Variants in GJA8 observed in about 807,000 individuals in gnomAD.
The protein encoded by GJA8 is gap junction protein alpha 8.
A neutral mutation model predicts 15.3 loss-of-function variants in GJA8; 13 were observed. The ratio of observed to expected loss-of-function variants is 0.85; its 90% confidence interval spans 0.55 to 1.35. The LOEUF is 1.35. Among genes scored for constraint, GJA8 ranks in the 40% most tolerant of loss-of-function variants. GJA8 has a pLI of 0.00. For synonymous variants in GJA8, 304 were observed against 238.7 expected (o/e 1.27, Z -2.52); for missense variants, 607 against 553.3 (o/e 1.10, Z -0.97).
rs587708145 is a variant in GJA8 at position 147,907,969 on chromosome 1, G to A, written c.14G>A (p.Ser5Asn). 2.5e-6 allele frequency: 4 copies of A among 1,613,904 alleles called. No homozygotes were observed. The highest frequency in any genetic ancestry group is 2.2e-5 in the East Asian group (1 of 44,872). The stretch of plus-strand genomic sequence containing the variant: ...GGTGGGTGAGAAATGGGCGACTGGA[G>A]TTTCCTGGGGAACATCTTGGAGGAG... MGDW[S>N]FLGNILEEVN... The change falls in exon 2 of 2, where the codon AGT becomes AAT. Residue 5 changes from serine to asparagine, a missense_variant. Coordinates refer to ENST00000369235, the MANE Select transcript of GJA8 (RefSeq NM_005267.5).
Position 147,908,342 on chromosome 1 carries a change from C to CAAG in GJA8, c.392_394dup (p.Lys131dup), listed in dbSNP as rs782150699. 1.4e-5 allele frequency: 23 copies of CAAG among 1,614,086 alleles called. No homozygotes were observed. In the Middle Eastern group the frequency reaches 2.3e-3, roughly 161 times the overall value. ...ACGGCGGCCCGGACCAGGGCAGCGT[C>CAAG]AAGAAGAGCAGCGGCAGCAAAGGCA... On this transcript the variant is annotated inframe_insertion, in exon 2 of 2. Coordinates refer to ENST00000369235, the MANE Select transcript of GJA8 (RefSeq NM_005267.5).
chr1:147,913,417 A>C (rs114398234), downstream of GJA8, among the ~76,000 whole-genome samples: 1,101 of 152,180 alleles, frequency 7.2e-3, 11 homozygotes, highest in Middle Eastern at 0.017. Context: ...ATTATGGTAC[A>C]AAAAAAAGAA....
downstream of GJA8, among the ~76,000 whole-genome samples, chr1:147,909,824 G>A (rs1322542070): frequency 6.6e-6 from 1 of 152,190 alleles, no homozygotes; most frequent in Non-Finnish European, 1.5e-5. Context: ...TGAGTACCAT[G>A]AAGTGTTACC....
At position 147,908,856 on chromosome 1, in the gene GJA8, G is replaced by C; in HGVS notation, c.901G>C (p.Glu301Gln). Residue 301 changes from glutamate (E) to glutamine (Q), a missense_variant, in exon 2 of 2, where the codon GAG becomes CAG. By Grantham distance (29) the Glu-to-Gln change is conservative. Transcript: ENST00000369235. ...GCCTGCCAAGCCTTTCAATCAGTTC[G>C]AGGAGAAGATCAGCACAGGACCCCT... ...PLPAKPFNQF[E>Q]EKISTGPLGD... 1 of 1,614,082 alleles carries C rather than the reference G, an allele frequency of 6.2e-7. No homozygotes were observed. Among genetic ancestry groups the C allele is most frequent in the South Asian group, 1.1e-5 (1 of 91,074 alleles).
At chr1:147,912,806 C>G (rs1652222205), downstream of GJA8, among the ~76,000 whole-genome samples, 1 of 149,526 alleles carries the variant, frequency 6.7e-6, no homozygotes. Flanking sequence ...CAGGGGATAT[C>G]TGTGACCAAG....
downstream of GJA8, among the ~76,000 whole-genome samples, chr1:147,912,611 T>C (rs587659868): frequency 7.2e-5 from 11 of 152,294 alleles, no homozygotes; most frequent in Admixed American, 3.9e-4. Context: ...GTCAGGATTA[T>C]AATCCCCATG....
downstream of GJA8, among the ~76,000 whole-genome samples, chr1:147,913,727 C>T (rs797042373): frequency 3.9e-5 from 6 of 152,318 alleles, no homozygotes; most frequent in African/African-American, 1.4e-4. Context: ...ATTCCCCCAG[C>T]CTCCTCTTCT....
In GJA8 at chr1:147,908,031, C is replaced by G. The variant is rs1553242525; in HGVS notation, c.76C>G (p.Leu26Val). Reference sequence around the variant, plus strand: ...CTCCACCGTCATCGGCAGAGTCTGGCTCACCGTGCTTTTCATCTTCCGGAT... The same window carrying G: ...CTCCACCGTCATCGGCAGAGTCTGGGTCACCGTGCTTTTCATCTTCCGGAT... ...EHSTVIGRVW[L>V]TVLFIFRILI... Residue 26 changes from leucine (L) to valine (V), a missense_variant, in exon 2 of 2, where the codon CTC becomes GTC. By Grantham distance (32) the Leu-to-Val change is conservative. Transcript: ENST00000369235. 2.5e-6 allele frequency: 4 copies of G among 1,614,022 alleles called. No individual in the cohort carries two copies. In the East Asian group the frequency reaches 8.9e-5, roughly 36 times the overall value.
At chr1:147,912,725 G>A (rs1483492936), downstream of GJA8, among the ~76,000 whole-genome samples, 2 of 151,900 alleles carry the variant, frequency 1.3e-5, no homozygotes, top group Non-Finnish European at 2.9e-5. Flanking sequence ...ATTAGACAGC[G>A]GGACATCAGT....
At chr1:147,910,151 T>C (rs931951239), downstream of GJA8, among the ~76,000 whole-genome samples, 1 of 152,220 alleles carries the variant, frequency 6.6e-6, no homozygotes, top group Non-Finnish European at 1.5e-5. Flanking sequence ...TATGCCACCG[T>C]GCCTGGCCCA....
chr1:147,909,119 G>T lies in GJA8; in HGVS notation c.1164G>T (p.Ser388=), dbSNP rs377042749. ...AGGGTGAAAAAGAAGAGCCGCAGTCGGAGAAGGTGTCAAAGCAAGGGCTGC... is the reference window on the plus strand; with the variant it reads ...AGGGTGAAAAAGAAGAGCCGCAGTCTGAGAAGGTGTCAAAGCAAGGGCTGC... ...DKEGEKEEPQ[S]EKVSKQGLPA... Residue 388 remains serine (S), a synonymous_variant, in exon 2 of 2, where the codon TCG becomes TCT. Transcript: ENST00000369235. 1 of 1,613,936 alleles carries T rather than the reference G, an allele frequency of 6.2e-7. No homozygotes were observed. Among genetic ancestry groups the T allele is most frequent in the Non-Finnish European group, 8.5e-7 (1 of 1,179,938 alleles).
intron 1 of GJA8, among the ~76,000 whole-genome samples, 60 bp downstream of exon 1, chr1:147,902,921 C>T (rs1651661267): frequency 6.6e-6 from 1 of 152,166 alleles, no homozygotes; most frequent in Non-Finnish European, 1.5e-5. Context: ...CTTTCTCAGC[C>T]TAATCTAAGG....
Position 147,908,206 on chromosome 1 carries a change from T to C in GJA8, c.251T>C (p.Phe84Ser). The change falls in exon 2 of 2, where the codon TTC (phenylalanine) becomes TCC (serine). Residue 84 changes from phenylalanine to serine, a missense_variant. By Grantham distance (155) the Phe-to-Ser change is radical. Transcript: ENST00000369235. ...CGCCTCTGGGTGCTGCAGATCATCT[T>C]CGTCTCCACCCCGTCCCTGATGTAC... is the stretch of plus-strand genomic sequence containing the variant. The part of the protein sequence containing the change: ...HIRLWVLQII[F>S]VSTPSLMYVG... 6.2e-7 allele frequency: 1 copy of C among 1,614,218 alleles called. No individual in the cohort carries two copies. Among genetic ancestry groups the C allele is most frequent in the Non-Finnish European group, 8.5e-7 (1 of 1,180,030 alleles).
At position 147,908,161 on chromosome 1, in the gene GJA8, C is replaced by T; in HGVS notation, c.206C>T (p.Ala69Val). Residue 69 changes from alanine (A) to valine (V), a missense_variant, in exon 2 of 2, where the codon GCC (alanine) becomes GTC (valine). By Grantham distance (64) the Ala-to-Val change is moderately conservative (BLOSUM62 0). Transcript: ENST00000369235. Reference protein sequence around the residue: ...PGCENVCYDEAFPISHIRLWV... With the variant: ...PGCENVCYDEVFPISHIRLWV... ...TGCGAGAACGTCTGCTACGACGAGGCCTTTCCCATCTCCCACATTCGCCTC... is the reference window on the plus strand; with the variant it reads ...TGCGAGAACGTCTGCTACGACGAGGTCTTTCCCATCTCCCACATTCGCCTC... 6.2e-7 allele frequency: 1 copy of T among 1,614,214 alleles called. No individual in the cohort carries two copies. The highest frequency in any genetic ancestry group is 1.1e-5 in the South Asian group (1 of 91,082).
chr1:147,908,437 T>C lies in GJA8; in HGVS notation c.482T>C (p.Phe161Ser), dbSNP rs1553242706. 1 of 1,614,174 alleles carries C rather than the reference T, an allele frequency of 6.2e-7. No individual in the cohort carries two copies. Among genetic ancestry groups the C allele is most frequent in the African/African-American group, 1.3e-5 (1 of 75,044 alleles). The change falls in exon 2 of 2, where the codon TTT (phenylalanine) becomes TCT (serine). Residue 161 changes from phenylalanine (F) to serine (S), a missense_variant. Transcript: ENST00000369235. ...YICHIIFKTL[F>S]EVGFIVGHYF... Reference sequence around the variant, plus strand: ...TGCCACATCATCTTCAAGACCCTCTTTGAAGTGGGCTTCATCGTGGGCCAC... The same window carrying C: ...TGCCACATCATCTTCAAGACCCTCTCTGAAGTGGGCTTCATCGTGGGCCAC...
intron 1 of GJA8, among the ~76,000 whole-genome samples, chr1:147,905,165 T>C (rs1238515254): frequency 6.6e-6 from 1 of 152,226 alleles, no homozygotes; most frequent in African/African-American, 2.4e-5. Flanking sequence ...TTCCTTGGTC[T>C]CTAGTATTCA....
rs781782991 is a variant in GJA8, at chr1:147,908,156, C to T, written c.201C>T (p.Asp67=). 8 of 1,614,104 alleles carry T rather than the reference C, an allele frequency of 5.0e-6. No homozygotes were observed. The highest frequency in any genetic ancestry group is 4.5e-5 in the East Asian group (2 of 44,892). Residue 67 remains aspartate, a synonymous_variant, in exon 2 of 2, where the codon GAC becomes GAT. Coordinates refer to ENST00000369235, the MANE Select transcript of GJA8 (RefSeq NM_005267.5). ...CTGGCTGCGAGAACGTCTGCTACGA[C>T]GAGGCCTTTCCCATCTCCCACATTC... ...QQPGCENVCY[D]EAFPISHIRL...
At position 147,908,960 on chromosome 1, in the gene GJA8, G is replaced by C; in HGVS notation, c.1005G>C (p.Gly335=). The C allele has an allele frequency of 6.2e-7, 1 of 1,603,540 alleles. No individual in the cohort carries two copies. The highest frequency in any genetic ancestry group is 8.5e-7 in the Non-Finnish European group (1 of 1,173,756). Residue 335 remains glycine (G), a synonymous_variant, in exon 2 of 2, where the codon GGG becomes GGC. Coordinates refer to ENST00000369235, the MANE Select transcript of GJA8 (RefSeq NM_005267.5). The part of the protein sequence containing the change: ...QVGAQEVEGE[G]PPAEEGAEPE... ...GGGCACAAGAAGTGGAGGGCGAGGG[G>C]CCGCCTGCAGAGGAGGGAGCCGAAC...
At chr1:147,905,031 C>G (rs587625280) in intron 1 of GJA8, among the ~76,000 whole-genome samples, 1 of 152,262 alleles carries the variant, frequency 6.6e-6, no homozygotes, top group South Asian at 2.1e-4. Flanking sequence ...TGATCTCATA[C>G]AAAATAAGCA....
Sources: gnomAD v4.1 joint callset for allele counts (sites outside exome capture counted in the v4.1 genomes callset) on GRCh38, gnomAD v4.1.1 for gene constraint, MANE v1.5 for transcripts, NCBI Gene and HGNC (gene_info 2026-07-23, HGNC 2026-07-21) for gene names.